Variants in EDNRB observed in about 807,000 individuals in gnomAD.
EDNRB encodes endothelin receptor type B.
A neutral mutation model predicts 46.4 loss-of-function variants in EDNRB; 18 were observed. The ratio of observed to expected loss-of-function variants is 0.39; its 90% CI spans 0.27 to 0.57. The LOEUF (loss-of-function observed/expected upper bound fraction) is 0.57. Ranked by LOEUF, EDNRB falls within the 20% of genes least tolerant of loss-of-function variation. The pLI, the probability that EDNRB is intolerant of heterozygous loss-of-function variation, is 0.61. For missense variants in EDNRB, 434 were observed against 537.5 expected (o/e 0.81, Z 1.90); for synonymous variants, 213 against 204.9 (o/e 1.04, Z -0.34).
rs1031842771 is a variant in EDNRB, at chr13:77,958,596, G to A, written c.-52+16751C>T. Among the ~76,000 whole-genome samples the A allele has an allele frequency of 1.8e-4, 27 of 151,964 alleles. 1 individual carries two copies. The highest frequency in any genetic ancestry group is 2.2e-4 in the Non-Finnish European group (15 of 68,002). Reference sequence around the variant, plus strand: ...TCACCATGTTAGCCAGGATGGTCTCGATCTCCTGACCTTGGAACCCGCCTG... The same window carrying A: ...TCACCATGTTAGCCAGGATGGTCTCAATCTCCTGACCTTGGAACCCGCCTG... On this transcript the variant is annotated intron_variant, in intron 1 of 7. Transcript: ENST00000646948.
chr13:77,958,248 G>A (rs1291132696), intron 1 of EDNRB, among the ~76,000 whole-genome samples: 3 of 152,132 alleles, frequency 2.0e-5, no homozygotes, highest in Non-Finnish European at 4.4e-5. Context: ...TGATTCTGAT[G>A]GATAGCCTGG....
intron 1 of EDNRB, among the ~76,000 whole-genome samples, chr13:77,970,792 C>T (rs1474973006): frequency 2.6e-5 from 4 of 151,912 alleles, no homozygotes; most frequent in Admixed American, 2.6e-4. Context: ...GGTTCCAGTA[C>T]ACTTATAATA....
chr13:77,922,068 A>G (rs1047388305), upstream of EDNRB, among the ~76,000 whole-genome samples: 1 of 152,198 alleles, frequency 6.6e-6, no homozygotes, highest in African/African-American at 2.4e-5. Flanking sequence ...AGTTGTATCA[A>G]ATTTTAAGAA....
intron 1 of EDNRB, among the ~76,000 whole-genome samples, chr13:77,961,069 C>G (rs1462991605): frequency 6.6e-6 from 1 of 152,170 alleles, no homozygotes; most frequent in Non-Finnish European, 1.5e-5. Flanking sequence ...TAGAAAGAGA[C>G]TTAGACTCCC....
chr13:77,974,027 G>A (rs1881812657), intron 1 of EDNRB, among the ~76,000 whole-genome samples: 1 of 151,044 alleles, frequency 6.6e-6, no homozygotes, highest in Non-Finnish European at 1.5e-5. Flanking sequence ...CGCAAGAATA[G>A]AAGTTAGTAT....
chr13:77,948,411 G>T (rs545623862), intron 1 of EDNRB, among the ~76,000 whole-genome samples: 1 of 152,214 alleles, frequency 6.6e-6, no homozygotes, highest in Non-Finnish European at 1.5e-5. Context: ...AGCTTGGGGA[G>T]AATTGCACAG....
At chr13:77,948,728 T>G (rs1199964782) in intron 1 of EDNRB, among the ~76,000 whole-genome samples, 15 of 152,226 alleles carry the variant, frequency 9.9e-5, no homozygotes, top group African/African-American at 3.6e-4. Context: ...TCTGTTTCTT[T>G]TATTCCAACT....
At chr13:77,903,081 G>A in intron 3 of EDNRB, 75 bp downstream of exon 3, 3 of 1,477,268 alleles carry the variant, frequency 2.0e-6, no homozygotes, top group African/African-American at 1.4e-5. Context: ...TTCCCAAGGA[G>A]TGGGGAACAG....
chr13:77,896,697 G>GCCT lies in EDNRB; in HGVS notation c.*1502_*1503insAGG, dbSNP rs1878646860. ...GAACAAAATCAGGACCTTTTGCATTGATGTGACGAGGCAATGACGAACGTT... is the reference window on the plus strand; with the variant it reads ...GAACAAAATCAGGACCTTTTGCATTGCCTATGTGACGAGGCAATGACGAACGTT... On this transcript the variant is annotated 3_prime_UTR_variant, in exon 7 of 7. Transcript: ENST00000646607. The GCCT allele has an allele frequency of 7.0e-6, 10 of 1,431,042 alleles. No individual in the cohort carries two copies. The East Asian group carries it at 2.7e-4, about 38-fold the overall frequency. The allele number at this position is 1,431,042 out of a possible 1,614,324, so 88.6% of individuals were successfully genotyped here.
intron 1 of EDNRB, among the ~76,000 whole-genome samples, chr13:77,960,672 A>G (rs1051683654): frequency 1.3e-5 from 2 of 152,226 alleles, no homozygotes; most frequent in African/African-American, 4.8e-5. Flanking sequence ...TGGCAGGATC[A>G]AATTCGCACA....
rs79255982 is a variant in EDNRB at position 77,943,113 on chromosome 13, C to T, written c.-51-24489G>A. Among the ~76,000 whole-genome samples the T allele has an allele frequency of 8.3e-3, 1,261 of 152,184 alleles. 61 individuals carry two copies. The highest frequency in any genetic ancestry group is 8.3e-3 in the East Asian group (43 of 5,180). On this transcript the variant is annotated intron_variant, in intron 1 of 7. Coordinates refer to the EDNRB transcript ENST00000646948. ...ACATTCCAGTCAGAGTCTATTGTCT[C>T]CTTCCATAAAAGCTATTCTTTGATT...
chr13:77,938,552 G>A (rs375459302), intron 1 of EDNRB, among the ~76,000 whole-genome samples: 14 of 152,212 alleles, frequency 9.2e-5, no homozygotes, highest in African/African-American at 1.9e-4. Context: ...CAAGGCAGGC[G>A]TCCCCGCGTG....
Position 77,964,732 on chromosome 13 carries a change from C to G in EDNRB, c.-52+10615G>C, listed in dbSNP as rs74594334. Among the ~76,000 whole-genome samples, 19 of 151,980 alleles carry G rather than the reference C, an allele frequency of 1.3e-4. No homozygotes were observed. In the East Asian group the frequency reaches 3.5e-3, roughly 28 times the overall value. ...ACACGGCACATGTATACATATGTAA[C>G]AAACTTGCACGTTGTGCACATGTAC... On this transcript the variant is annotated intron_variant, in intron 1 of 7. Transcript: ENST00000646948.
At chr13:77,927,660 G>GACTGTC (rs1461628015) in intron 1 of EDNRB, among the ~76,000 whole-genome samples, 15 of 152,178 alleles carry the variant, frequency 9.9e-5, no homozygotes, top group Admixed American at 9.2e-4. Context: ...AACATATTTA[G>GACTGTC]ACTGTCACAA....
At chr13:77,936,791 C>T (rs1022640713) in intron 1 of EDNRB, among the ~76,000 whole-genome samples, 2 of 152,214 alleles carry the variant, frequency 1.3e-5, no homozygotes, top group African/African-American at 4.8e-5. Context: ...AAGCAAGATC[C>T]TGATGGAGGA....
intron 1 of EDNRB, among the ~76,000 whole-genome samples, chr13:77,970,000 T>A (rs1405937312): frequency 6.6e-6 from 1 of 152,242 alleles, no homozygotes; most frequent in African/African-American, 2.4e-5. Flanking sequence ...TTGGTTGGAA[T>A]GTTTCTTTAA....
chr13:77,908,021 CAAAA>C (rs1215042889), intron 1 of EDNRB, among the ~76,000 whole-genome samples: 3 of 55,086 alleles, frequency 5.4e-5, no homozygotes, highest in East Asian at 5.5e-4. Flanking sequence ...AAAGAGACTG[CAAAA>C]AAAAAAAAAA....
At chr13:77,908,229 C>T (rs968480390) in intron 1 of EDNRB, among the ~76,000 whole-genome samples, 2 of 151,812 alleles carry the variant, frequency 1.3e-5, no homozygotes, top group African/African-American at 2.4e-5. Context: ...AAAATCTTAA[C>T]CTCTGCCTCA....
chr13:77,902,644 T>C lies in EDNRB; in HGVS notation c.801+512A>G, dbSNP rs147739588. Among the ~76,000 whole-genome samples the C allele has an allele frequency of 8.6e-5, 13 of 151,966 alleles. No individual in the cohort carries two copies. In the East Asian group the frequency reaches 2.5e-3, roughly 30 times the overall value. ...CCCCTGCTCTTTTTAAAATAGCCAA[T>C]TGGAATTAACTTAGACTGTGCGGTC... On this transcript the variant is annotated intron_variant, in intron 3 of 6. Transcript: ENST00000646607.
Sources: allele counts gnomAD v4.1 joint callset (sites outside exome capture counted in the v4.1 genomes callset), GRCh38; gene constraint gnomAD v4.1.1; transcripts MANE v1.5; gene names NCBI Gene and HGNC (gene_info 2026-07-23, HGNC 2026-07-21).